Variants in ERCC5 observed in about 807,000 individuals in gnomAD.
The protein encoded by ERCC5 is ERCC excision repair 5, endonuclease.
Under a neutral mutation model 105.6 loss-of-function variants are expected in ERCC5, and 68 were observed. The ratio of observed to expected loss-of-function variants is 0.64; its 90% CI spans 0.53 to 0.79. The LOEUF is 0.79. Among genes scored for constraint, ERCC5 ranks in the 30% least tolerant of loss-of-function variants. The probability of loss-of-function intolerance (pLI) is 0.00; values close to 1 mark genes in which losing one functional copy is unlikely to be tolerated. For synonymous variants in ERCC5, 546 were observed against 526.2 expected (o/e 1.04, Z -0.51); for missense variants, 1,373 against 1,426.7 (o/e 0.96, Z 0.61).
At chr13:102,850,901 A>T (rs1427845374) in intron 1 of ERCC5, among the ~76,000 whole-genome samples, 1 of 152,134 alleles carries the variant, frequency 6.6e-6, no homozygotes, top group Non-Finnish European at 1.5e-5. Context: ...ATCACTGATG[A>T]AGTGAATACT....
At chr13:102,854,176 TCGG>T in intron 3 of ERCC5, 109 bp from the exon 4 acceptor site, 1 of 1,164,942 alleles carries the variant, frequency 8.6e-7, no homozygotes, top group Non-Finnish European at 1.3e-6. Context: ...TTCCTTTCTC[TCGG>T]CTGCATTTAT....
chr13:102,862,519 A>C lies in ERCC5; in HGVS notation c.1370A>C (p.His457Pro), dbSNP rs757203944. The change falls in exon 8 of 15, where the codon CAC (histidine) becomes CCC (proline). Residue 457 changes from histidine to proline, a missense_variant. Physicochemically the swap from His to Pro is moderately conservative, Grantham distance 77 (BLOSUM62 -2). Around this residue, in one of 3 missense-constraint regions of ERCC5, gnomAD observed 1,004 missense variants for 1,059.7 expected, o/e 0.95. Transcript: ENST00000652225. The stretch of plus-strand genomic sequence containing the variant: ...TCTAGTGTGAACTCTGCAGAGGAGC[A>C]CGTAGCCAGCACTAATGAGGGGAGA... ...ASSSVNSAEE[H>P]VASTNEGREP... 1.9e-6 allele frequency: 3 copies of C among 1,614,238 alleles called. No individual in the cohort carries two copies. Among genetic ancestry groups the C allele is most frequent in the Non-Finnish European group, 8.5e-7 (1 of 1,180,050 alleles).
chr13:102,861,034 G>C (rs1882600393), intron 6 of ERCC5, among the ~76,000 whole-genome samples: 1 of 147,210 alleles, frequency 6.8e-6, no homozygotes, highest in Admixed American at 6.9e-5. Flanking sequence ...TGTCCCTCAG[G>C]CTGGAGTGCA....
At position 102,865,652 on chromosome 13, in the gene ERCC5, T is replaced by C; in HGVS notation, c.1955-15T>C. On this transcript the variant is annotated splice_polypyrimidine_tract_variant and intron_variant, in intron 8 of 14. Transcript: ENST00000652225. This position sits in a 1 kb window ranked among gnomAD's most constrained non-coding sequence, Gnocchi z 4.0. ...TTTTGATTGTAGATGAAGTGACCTT[T>C]TAATTTTGGTACAGGAAGTTTCATT... The C allele has an allele frequency of 4.3e-6, 7 of 1,612,794 alleles. No homozygotes were observed. The highest frequency in any genetic ancestry group is 5.9e-6 in the Non-Finnish European group (7 of 1,179,568).
At chr13:102,849,556 A>T (rs1353061385) in intron 1 of ERCC5, 1 of 394,288 alleles carries the variant, frequency 2.5e-6, no homozygotes, top group Non-Finnish European at 5.0e-6. Flanking sequence ...AGTGTTTTGT[A>T]AATTAATTGT....
Position 102,875,495 on chromosome 13 carries a change from A to C in ERCC5, c.3153A>C (p.Ala1051=), listed in dbSNP as rs1883186655. The C allele has an allele frequency of 6.2e-7, 1 of 1,614,164 alleles. No homozygotes were observed. The highest frequency in any genetic ancestry group is 2.2e-5 in the East Asian group (1 of 44,886). The change falls in exon 15 of 15, where the codon GCA becomes GCC. Residue 1051 remains alanine, a synonymous_variant. Coordinates refer to ENST00000652225, the MANE Select transcript of ERCC5 (RefSeq NM_000123.4). Reference sequence around the variant, plus strand: ...AAGAATTTGAGCTACTTGATAAGGCAAAAGGAAAAACCCAGAAGAGAGGCA... The same window carrying C: ...AAGAATTTGAGCTACTTGATAAGGCCAAAGGAAAAACCCAGAAGAGAGGCA... ...MEKEFELLDK[A]KGKTQKRGIT...
intron 3 of ERCC5, 75 bp downstream of exon 3, chr13:102,853,947 T>G (rs1566464913): frequency 7.2e-7 from 1 of 1,380,600 alleles, no homozygotes; most frequent in Non-Finnish European, 1.0e-6. Flanking sequence ...CCTGCGATTC[T>G]CTTTCCCTAT....
At chr13:102,864,400 A>G (rs1422243556) in intron 8 of ERCC5, among the ~76,000 whole-genome samples, 2 of 152,154 alleles carry the variant, frequency 1.3e-5, no homozygotes, top group Non-Finnish European at 2.9e-5. Context: ...TTATTACTTG[A>G]CATCCTCCTA....
chr13:102,869,278 G>T (rs4150348), intron 12 of ERCC5, among the ~76,000 whole-genome samples: 42,924 of 152,002 alleles, frequency 0.28, 7,071 homozygotes, highest in Non-Finnish European at 0.37. Flanking sequence ...TTATTGTTGA[G>T]GAAATTTATA....
At chr13:102,846,398 G>A in intron 1 of ERCC5, 44 bp downstream of exon 1, 4 of 1,546,150 alleles carry the variant, frequency 2.6e-6, no homozygotes, top group South Asian at 2.2e-5. Flanking sequence ...AGGGATTCGG[G>A]GCTGGATTCC....
At position 102,852,189 on chromosome 13, in the gene ERCC5, C is replaced by T. The variant is rs1333614535; in HGVS notation, c.160C>T (p.His54Tyr). 13 of 1,613,962 alleles carry T rather than the reference C, an allele frequency of 8.1e-6. No individual in the cohort carries two copies. Among genetic ancestry groups the T allele is most frequent in the Admixed American group, 6.7e-5 (4 of 59,998 alleles). Residue 54 changes from histidine (H) to tyrosine (Y), a missense_variant, in exon 2 of 15, where the codon CAT becomes TAT. Coordinates refer to ENST00000652225, the MANE Select transcript of ERCC5 (RefSeq NM_000123.4). ...CCATGGGAACTCAATAGAAAATCCT[C>T]ATCTTCTCACTTTGTTTCATCGGCT... ...DRHGNSIENP[H>Y]LLTLFHRLCK...
Position 102,875,759 on chromosome 13 carries a change from G to A in ERCC5, c.3417G>A (p.Lys1139=), listed in dbSNP as rs1260441560. The A allele has an allele frequency of 1.2e-6, 2 of 1,614,004 alleles. No homozygotes were observed. Among genetic ancestry groups the A allele is most frequent in the African/African-American group, 2.7e-5 (2 of 74,900 alleles). Residue 1139 remains lysine, a synonymous_variant, in exon 15 of 15, where the codon AAG becomes AAA. Coordinates refer to ENST00000652225, the MANE Select transcript of ERCC5 (RefSeq NM_000123.4). ...ACTCAGTGAAGGAAGCTCCCGTGAA[G>A]AATGGAGGTGCGACCACCAGCAGCT... The part of the protein sequence containing the change: ...SQNSVKEAPV[K]NGGATTSSSS...
chr13:102,866,213 C>G (rs1362358560), intron 9 of ERCC5, 49 bp from the exon 10 acceptor site: 1 of 1,606,490 alleles, frequency 6.2e-7, no homozygotes, highest in South Asian at 1.1e-5. Context: ...GTAAACAAAA[C>G]TCATTTGGAT....
chr13:102,856,690 A>T (rs1882434018), intron 5 of ERCC5, among the ~76,000 whole-genome samples: 1 of 151,700 alleles, frequency 6.6e-6, no homozygotes, highest in Non-Finnish European at 1.5e-5. Flanking sequence ...GTGTAGATGC[A>T]GCCAGTCTGT....
chr13:102,866,679 A>G lies in ERCC5; in HGVS notation c.2367A>G (p.Glu789=). The G allele has an allele frequency of 6.2e-7, 1 of 1,614,164 alleles. No individual in the cohort carries two copies. The highest frequency in any genetic ancestry group is 1.3e-5 in the African/African-American group (1 of 75,074). Residue 789 remains glutamate, a synonymous_variant, in exon 11 of 15, where the codon GAA becomes GAG. Transcript: ENST00000652225. ...FGIPYIQAPM[E]AEAQCAILDL... is the part of the protein sequence containing the mutation. ...TTCCCTACATCCAGGCTCCCATGGA[A>G]GCAGAGGCGCAGTGCGCCATCCTGG...
chr13:102,873,220 A>T (rs1883090819), intron 13 of ERCC5, 39 bp from the exon 14 acceptor site: 1 of 1,613,184 alleles, frequency 6.2e-7, no homozygotes. Flanking sequence ...ACTTGTTTAA[A>T]TATCTTTCAA....
Position 102,875,728 on chromosome 13 carries a change from C to T in ERCC5, c.3386C>T (p.Ser1129Leu), listed in dbSNP as rs368829739. 32 of 1,613,938 alleles carry T rather than the reference C, an allele frequency of 2.0e-5. No individual in the cohort carries two copies. Among genetic ancestry groups the T allele is most frequent in the South Asian group, 3.3e-5 (3 of 91,072 alleles). ...GAGCCAAAAACCAGTGCTTCAGATT[C>T]GCAGAACTCAGTGAAGGAAGCTCCC... ...AKEPKTSASD[S>L]QNSVKEAPVK... The change falls in exon 15 of 15, where the codon TCG (serine) becomes TTG (leucine). Residue 1129 changes from serine (S) to leucine (L), a missense_variant. Ser to Leu is a moderately radical substitution (Grantham distance 145, BLOSUM62 -2). Around this residue, in one of 3 missense-constraint regions of ERCC5, gnomAD observed 367 missense variants for 350.2 expected, o/e 1.05. Transcript: ENST00000652225.
intron 1 of ERCC5, among the ~76,000 whole-genome samples, chr13:102,847,728 A>G (rs1355801726): frequency 6.6e-6 from 1 of 152,130 alleles, no homozygotes; most frequent in African/African-American, 2.4e-5. Context: ...TGCTGCCCTC[A>G]AGCTGTTGCT....
chr13:102,867,858 CAGAG>C (rs1882893534), intron 11 of ERCC5, among the ~76,000 whole-genome samples: 2 of 152,062 alleles, frequency 1.3e-5, no homozygotes, highest in Admixed American at 1.3e-4. Flanking sequence ...GACTGTGGTT[CAGAG>C]AGACTCAGGC....
Sources: allele counts gnomAD v4.1 joint callset (sites outside exome capture counted in the v4.1 genomes callset), GRCh38; gene constraint gnomAD v4.1.1; regional missense constraint gnomAD v4.1.1; non-coding constraint Gnocchi (gnomAD v3.1); transcripts MANE v1.5; gene names NCBI Gene and HGNC (gene_info 2026-07-23, HGNC 2026-07-21).